Variants in FRMD3 observed in about 807,000 individuals in gnomAD.
FRMD3 encodes the protein FERM domain containing 3.
In FRMD3, 33 loss-of-function variants were observed where a neutral mutation model predicts 70.2. That is an observed-to-expected ratio of 0.47 (90% CI 0.36 to 0.63). The LOEUF (loss-of-function observed/expected upper bound fraction) is 0.63. FRMD3 is among the 20% of genes least tolerant of loss of function. FRMD3 has a pLI of 0.00. For synonymous variants in FRMD3, 279 were observed against 255.9 expected (o/e 1.09, Z -0.86); for missense variants, 632 against 711.4 (o/e 0.89, Z 1.27).
intron 1 of FRMD3, among the ~76,000 whole-genome samples, chr9:83,511,649 T>C (rs142286959): frequency 1.3e-5 from 2 of 151,898 alleles, no homozygotes; most frequent in Admixed American, 1.3e-4. Flanking sequence ...AATAAATAAA[T>C]AAAGAAGTAG....
chr9:83,443,975 GAATA>G (rs1305276208), intron 1 of FRMD3, among the ~76,000 whole-genome samples: 2 of 152,172 alleles, frequency 1.3e-5, no homozygotes, highest in African/African-American at 4.8e-5. Flanking sequence ...ATTGCTTCCA[GAATA>G]AACAAGGGTC....
At chr9:83,319,379 G>A (rs941127038) in intron 6 of FRMD3, among the ~76,000 whole-genome samples, 4 of 151,974 alleles carry the variant, frequency 2.6e-5, no homozygotes, top group African/African-American at 7.3e-5. Context: ...AGATGTATGG[G>A]TCCAGTTTCA....
At chr9:83,263,776 T>C (rs1306522331) in intron 13 of FRMD3, among the ~76,000 whole-genome samples, 1 of 152,014 alleles carries the variant, frequency 6.6e-6, no homozygotes, top group Non-Finnish European at 1.5e-5. Flanking sequence ...GAAGAGACAA[T>C]ATAAAAAATG....
chr9:83,495,251 G>C (rs569936639), intron 1 of FRMD3, among the ~76,000 whole-genome samples: 2 of 152,186 alleles, frequency 1.3e-5, no homozygotes, highest in Non-Finnish European at 2.9e-5. Context: ...CTGGAAGCAA[G>C]AAGAGGACAA....
chr9:83,307,367 C>T (rs11140017), intron 10 of FRMD3, among the ~76,000 whole-genome samples: 33,646 of 152,132 alleles, frequency 0.22, 4,255 homozygotes, highest in East Asian at 0.4. Context: ...ATCCAATGCT[C>T]GTAGCAGCAT....
At chr9:83,582,173 G>C in the FRMD3 span, among the ~76,000 whole-genome samples, 1 of 152,090 alleles carries the variant, frequency 6.6e-6, no homozygotes, top group African/African-American at 2.4e-5. Flanking sequence ...CTGGGCTCAA[G>C]TGATCCTCCC....
intron 6 of FRMD3, among the ~76,000 whole-genome samples, chr9:83,319,921 C>T (rs893300758): frequency 6.6e-6 from 1 of 152,186 alleles, no homozygotes; most frequent in Non-Finnish European, 1.5e-5. Flanking sequence ...TTGTAAATTG[C>T]CCAGTCTTGG....
intron 1 of FRMD3, among the ~76,000 whole-genome samples, chr9:83,401,595 T>C (rs1054708723): frequency 1.3e-5 from 2 of 152,216 alleles, no homozygotes; most frequent in African/African-American, 4.8e-5. Context: ...TCACTTAGTA[T>C]GCACAGCCAA....
chr9:83,548,595 T>C, the FRMD3 span, among the ~76,000 whole-genome samples: 1 of 152,126 alleles, frequency 6.6e-6, no homozygotes. Flanking sequence ...GATGAATAGG[T>C]GGAGTACATT....
intron 1 of FRMD3, among the ~76,000 whole-genome samples, chr9:83,471,327 T>C (rs971968038): frequency 4.6e-5 from 7 of 152,204 alleles, no homozygotes; most frequent in Middle Eastern, 3.2e-3. Context: ...AACAACCCAT[T>C]AGGCAACTGG....
At chr9:83,566,250 A>G in the FRMD3 span, among the ~76,000 whole-genome samples, 1 of 152,200 alleles carries the variant, frequency 6.6e-6, no homozygotes, top group African/African-American at 2.4e-5. Flanking sequence ...TAAAACCATC[A>G]GATCTTGTGA....
chr9:83,285,584 G>A (rs1382636221), intron 13 of FRMD3, among the ~76,000 whole-genome samples: 4 of 152,146 alleles, frequency 2.6e-5, no homozygotes, highest in African/African-American at 9.7e-5. Context: ...AGACACCAGT[G>A]ATCTTCATTG....
intron 3 of FRMD3, among the ~76,000 whole-genome samples, chr9:83,362,519 A>G (rs1824624489): frequency 6.6e-6 from 1 of 152,146 alleles, no homozygotes; most frequent in Non-Finnish European, 1.5e-5. Flanking sequence ...TGCAGAAGCC[A>G]TTTCCAAGCA....
chr9:83,428,317 G>T (rs1826871588), intron 1 of FRMD3, among the ~76,000 whole-genome samples: 1 of 151,850 alleles, frequency 6.6e-6, no homozygotes, highest in African/African-American at 2.4e-5. Flanking sequence ...GGCAGAAGTT[G>T]CAGTGAGCCG....
At chr9:83,465,138 A>C (rs1828090931) in intron 1 of FRMD3, among the ~76,000 whole-genome samples, 1 of 152,172 alleles carries the variant, frequency 6.6e-6, no homozygotes, top group Non-Finnish European at 1.5e-5. Flanking sequence ...TGTATTTTAC[A>C]CACATCATCC....
intron 13 of FRMD3, among the ~76,000 whole-genome samples, chr9:83,286,210 C>T (rs1030277151): frequency 4.6e-5 from 7 of 152,200 alleles, no homozygotes; most frequent in African/African-American, 1.7e-4. Context: ...GAGATGTCCC[C>T]ACTAGTCACA....
At chr9:83,357,937 A>G (rs1824455661) in intron 3 of FRMD3, among the ~76,000 whole-genome samples, 1 of 152,104 alleles carries the variant, frequency 6.6e-6, no homozygotes, top group Non-Finnish European at 1.5e-5. Context: ...ATTAAGTCCC[A>G]TATATTTATG....
the FRMD3 span, among the ~76,000 whole-genome samples, chr9:83,556,154 A>G: frequency 1.3e-5 from 2 of 151,864 alleles, no homozygotes; most frequent in African/African-American, 4.8e-5. Flanking sequence ...ACTCCCCTAC[A>G]GATTTCTTTG....
Position 83,409,196 on chromosome 9 carries a change from G to T in FRMD3, c.148-19488C>A, listed in dbSNP as rs796586766. On this transcript the variant is annotated intron_variant, in intron 1 of 13. Transcript: ENST00000304195. ...GGATGTGATGCAGAAGGCTCATGAA[G>T]ATGTTAAAAGCACACAGTATCAAAC... 3.3e-5 allele frequency among the ~76,000 whole-genome samples: 5 copies of T among 152,128 alleles called. No individual in the cohort carries two copies. The South Asian group carries it at 1.0e-3, about 32-fold the overall frequency.
Sources: gnomAD v4.1 joint callset for allele counts (sites outside exome capture counted in the v4.1 genomes callset) on GRCh38, gnomAD v4.1.1 for gene constraint, MANE v1.5 for transcripts, NCBI Gene and HGNC (gene_info 2026-07-23, HGNC 2026-07-21) for gene names.